The following EXOC7 variants were observed in gnomAD, a reference collection of about 807,000 sequenced individuals.
EXOC7 encodes exocyst complex component Exo70.
A neutral mutation model predicts 87.6 loss-of-function variants in EXOC7; 51 were observed. The observed-to-expected ratio is 0.58, with a 90% CI of 0.46 to 0.73. The LOEUF (loss-of-function observed/expected upper bound fraction) is 0.73, where lower values mean the gene tolerates loss of function less well. Ranked by LOEUF, EXOC7 falls within the 30% of genes least tolerant of loss-of-function variation. The pLI is 0.00. For missense variants in EXOC7, 744 were observed against 888.4 expected, an observed-to-expected ratio of 0.84 and a Z score of 2.07; for synonymous variants, 327 against 357.1, an observed-to-expected ratio of 0.92 and a Z score of 0.95.
chr17:76,081,438 C>CT lies in EXOC7; in HGVS notation c.*2209dup, dbSNP rs780959820. The CT allele has an allele frequency of 5.6e-6, 9 of 1,612,898 alleles. No homozygotes were observed. The Admixed American group carries it at 1.3e-4, about 24-fold the overall frequency. On this transcript the variant is annotated 3_prime_UTR_variant, in exon 19 of 19. Coordinates refer to ENST00000589210, the MANE Select transcript of EXOC7 (RefSeq NM_001013839.4). ...TCGGGAGGAGGCCGACAGAGGGCTG[C>CT]TGGAGGCGGGTGGGAGTGAGGATGC... is the stretch of plus-strand genomic sequence containing the variant.
chr17:76,088,200 GC>G, intron 10 of EXOC7, 78 bp from the exon 11 acceptor site: 2 of 1,448,258 alleles, frequency 1.4e-6, no homozygotes, highest in Non-Finnish European at 1.9e-6. Flanking sequence ...TCATGGTGCC[GC>G]CTCCTGGCAG....
chr17:76,094,253 G>T, intron 6 of EXOC7, 161 bp downstream of exon 6: 1 of 692,030 alleles, frequency 1.4e-6, no homozygotes, highest in Non-Finnish European at 2.3e-6. Context: ...GCTTCACTGG[G>T]TGGGTAGACA....
intron 4 of EXOC7, among the ~76,000 whole-genome samples, chr17:76,099,842 T>C (rs775727429): frequency 1.3e-5 from 2 of 152,180 alleles, no homozygotes; most frequent in Non-Finnish European, 2.9e-5. Flanking sequence ...GTAATGCCCG[T>C]AATCCCTCCC....
intron 15 of EXOC7, 112 bp from the exon 16 acceptor site, chr17:76,084,692 T>A: frequency 1.1e-6 from 1 of 874,268 alleles, no homozygotes; most frequent in Non-Finnish European, 1.8e-6. Context: ...TAGGAAGGGA[T>A]GTGGGTCACA....
At position 76,082,719 on chromosome 17, in the gene EXOC7, T is replaced by C; in HGVS notation, c.*929A>G. 1 of 1,480,610 alleles carries C rather than the reference T, an allele frequency of 6.8e-7. No individual in the cohort carries two copies. The highest frequency in any genetic ancestry group is 9.0e-7 in the Non-Finnish European group (1 of 1,111,426). The allele number at this position is 1,480,610 out of a possible 1,614,324, so 91.7% of individuals were successfully genotyped here. On this transcript the variant is annotated 3_prime_UTR_variant, in exon 19 of 19. Transcript: ENST00000589210. The stretch of plus-strand genomic sequence containing the variant: ...CTTTCCCATGGCTGGGGGCGGGCCA[T>C]GACAGGGCCTCTGGATTAAGCCACC...
chr17:76,091,933 C>T (rs571369882), intron 6 of EXOC7, among the ~76,000 whole-genome samples: 4 of 152,292 alleles, frequency 2.6e-5, no homozygotes, highest in South Asian at 2.1e-4. Flanking sequence ...AGGGCACATG[C>T]TCTTGGCATG....
Position 76,081,933 on chromosome 17 carries a change from C to T in EXOC7, c.*1715G>A. 1 of 1,613,372 alleles carries T rather than the reference C, an allele frequency of 6.2e-7. No individual in the cohort carries two copies. The highest frequency in any genetic ancestry group is 8.5e-7 in the Non-Finnish European group (1 of 1,179,876). Reference sequence around the variant, plus strand: ...CTGCTCTTCCTCAGCACCATAGAGACTGTGCTGCTGGCTGGGCTGCTGGCC... The same window carrying T: ...CTGCTCTTCCTCAGCACCATAGAGATTGTGCTGCTGGCTGGGCTGCTGGCC... On this transcript the variant is annotated 3_prime_UTR_variant, in exon 19 of 19. Coordinates refer to ENST00000589210, the MANE Select transcript of EXOC7 (RefSeq NM_001013839.4).
In EXOC7 at chr17:76,081,687, G is replaced by A; in HGVS notation, c.*1961C>T. The A allele has an allele frequency of 2.5e-6, 4 of 1,614,112 alleles. No individual in the cohort carries two copies. The highest frequency in any genetic ancestry group is 3.4e-6 in the Non-Finnish European group (4 of 1,180,026). On this transcript the variant is annotated 3_prime_UTR_variant, in exon 19 of 19. Transcript: ENST00000589210. ...GGCTACAAGGTGACATTGCTGCTGAGTTACCTCGTCCTCCACTCCTCCCTG... is the reference window on the plus strand; with the variant it reads ...GGCTACAAGGTGACATTGCTGCTGAATTACCTCGTCCTCCACTCCTCCCTG...
In EXOC7 at chr17:76,081,347, A is replaced by C. The variant is rs2066962888; in HGVS notation, c.*2301T>G. 1 of 1,614,158 alleles carries C rather than the reference A, an allele frequency of 6.2e-7. No individual in the cohort carries two copies. Among genetic ancestry groups the C allele is most frequent in the East Asian group, 2.2e-5 (1 of 44,880 alleles). Reference sequence around the variant, plus strand: ...AGTGTCAAGAGGGAATACGTAGTTTATGATCTGAAGACCCAAGTCCCACCC... The same window carrying C: ...AGTGTCAAGAGGGAATACGTAGTTTCTGATCTGAAGACCCAAGTCCCACCC... On this transcript the variant is annotated 3_prime_UTR_variant, in exon 19 of 19. Coordinates refer to ENST00000589210, the MANE Select transcript of EXOC7 (RefSeq NM_001013839.4).
At chr17:76,087,972 T>C (rs1429403460) in intron 11 of EXOC7, 88 bp downstream of exon 11, 4 of 1,478,768 alleles carry the variant, frequency 2.7e-6, no homozygotes, top group Middle Eastern at 1.8e-4. Flanking sequence ...CCAGGCTGAG[T>C]CCCTTCCACC....
In EXOC7 at chr17:76,082,528, C is replaced by T. The variant is rs781078929; in HGVS notation, c.*1120G>A. ...TGAGACTGCTGACCGCATCTTCTTC[C>T]TCGTGTATGTGGTTGGGGTGCTGTG... On this transcript the variant is annotated 3_prime_UTR_variant, in exon 19 of 19. Transcript: ENST00000589210. 19 of 1,613,878 alleles carry T rather than the reference C, an allele frequency of 1.2e-5. No individual in the cohort carries two copies. Among genetic ancestry groups the T allele is most frequent in the Non-Finnish European group, 1.6e-5 (19 of 1,179,948 alleles).
intron 12 of EXOC7, among the ~76,000 whole-genome samples, chr17:76,086,556 C>A (rs1360919694): frequency 6.6e-6 from 1 of 152,176 alleles, no homozygotes; most frequent in Non-Finnish European, 1.5e-5. Context: ...TCTACCAGAC[C>A]CTACTGAACA....
rs780835701 is a variant in EXOC7, at chr17:76,097,780, A to G, written c.640+16T>C. 6.3e-7 allele frequency: 1 copy of G among 1,598,792 alleles called. No individual in the cohort carries two copies. Reference sequence around the variant, plus strand: ...CTGCCTCTGGTGTGTCATGTGGCCAAGCCAGAATCCCTTACCTTGGTTGCG... The same window carrying G: ...CTGCCTCTGGTGTGTCATGTGGCCAGGCCAGAATCCCTTACCTTGGTTGCG... On this transcript the variant is annotated intron_variant, in intron 5 of 18. Coordinates refer to ENST00000589210, the MANE Select transcript of EXOC7 (RefSeq NM_001013839.4).
Position 76,103,621 on chromosome 17 carries a change from G to T in EXOC7, c.60+12C>A. The stretch of plus-strand genomic sequence containing the variant: ...CTCACCTCCTCCCCAGCCTCCCCAG[G>T]CCCACGCCCACCTGCTTCAGCTTGT... On this transcript the variant is annotated intron_variant, in intron 1 of 18. Transcript: ENST00000589210. 2.5e-6 allele frequency: 4 copies of T among 1,613,152 alleles called. No homozygotes were observed. The highest frequency in any genetic ancestry group is 3.4e-6 in the Non-Finnish European group (4 of 1,179,650).
chr17:76,101,480 C>G, intron 3 of EXOC7, 104 bp from the exon 4 acceptor site: 1 of 1,483,342 alleles, frequency 6.7e-7, no homozygotes. Flanking sequence ...ACTCCAGGCT[C>G]AAATATATTC....
chr17:76,096,817 A>T (rs1172571556), intron 5 of EXOC7, among the ~76,000 whole-genome samples: 1 of 152,226 alleles, frequency 6.6e-6, no homozygotes, highest in East Asian at 1.9e-4. Context: ...TGGCCCCCCA[A>T]AGTGCTGGGA....
intron 2 of EXOC7, chr17:76,103,109 A>T (rs1256147057): frequency 3.7e-6 from 2 of 537,942 alleles, no homozygotes; most frequent in Non-Finnish European, 6.7e-6. Context: ...GGAGAGAAGG[A>T]AGAATGGCGA....
intron 2 of EXOC7, 68 bp downstream of exon 2, chr17:76,103,293 G>A: frequency 2.1e-6 from 3 of 1,455,316 alleles, no homozygotes; most frequent in South Asian, 1.2e-5. Flanking sequence ...AACCGGAACC[G>A]CCAGGTCGCA....
rs755188097 is a variant in EXOC7, at chr17:76,081,363, A to T, written c.*2285T>A. The T allele has an allele frequency of 6.2e-7, 1 of 1,614,168 alleles. No individual in the cohort carries two copies. The highest frequency in any genetic ancestry group is 2.2e-5 in the East Asian group (1 of 44,872). ...ACGTAGTTTATGATCTGAAGACCCA[A>T]GTCCCACCCCAGCAGCTGGTGCCCT... On this transcript the variant is annotated 3_prime_UTR_variant, in exon 19 of 19. Transcript: ENST00000589210.
Sources: gnomAD v4.1 joint callset for allele counts (sites outside exome capture counted in the v4.1 genomes callset) on GRCh38, gnomAD v4.1.1 for gene constraint, MANE v1.5 for transcripts, NCBI Gene and HGNC (gene_info 2026-07-23, HGNC 2026-07-21) for gene names.